The following CRACDL variants were observed in gnomAD, a reference collection of about 807,000 sequenced individuals.
The protein encoded by CRACDL is CRACD like.
CRACDL carries 26 observed loss-of-function variants against 70.6 expected under a neutral mutation model. The observed-to-expected ratio is 0.37, with a 90% CI of 0.27 to 0.51. The LOEUF is 0.51. Among genes scored for constraint, CRACDL ranks in the 20% least tolerant of loss-of-function variants. The pLI, the probability that CRACDL is intolerant of heterozygous loss-of-function variation, is 0.94. For synonymous variants in CRACDL, 618 were observed against 615.2 expected (o/e 1.00, Z -0.07); for missense variants, 1,283 against 1,376.9 (o/e 0.93, Z 1.08).
intron 1 of CRACDL, among the ~76,000 whole-genome samples, chr2:98,863,958 A>G (rs187566342): frequency 1.3e-5 from 2 of 152,214 alleles, no homozygotes; most frequent in Admixed American, 6.5e-5. Flanking sequence ...ATTTTGCAAG[A>G]CCCCAAAAAG....
At chr2:98,918,539 C>CAAAAAA (rs58312556) in intron 1 of CRACDL, among the ~76,000 whole-genome samples, 2 of 66,358 alleles carry the variant, frequency 3.0e-5, no homozygotes, top group Non-Finnish European at 5.7e-5. Context: ...TGTTGTCTAC[C>CAAAAAA]AAAAAAAAAA....
chr2:98,889,341 A>G (rs1279008705), intron 1 of CRACDL, among the ~76,000 whole-genome samples: 1 of 148,620 alleles, frequency 6.7e-6, no homozygotes, highest in Non-Finnish European at 1.5e-5. Flanking sequence ...GAAAGAAAGA[A>G]AGGAAACAGT....
chr2:98,885,684 C>A (rs1196336117), intron 1 of CRACDL, among the ~76,000 whole-genome samples: 1 of 152,146 alleles, frequency 6.6e-6, no homozygotes, highest in African/African-American at 2.4e-5. Context: ...AACCAACCAA[C>A]CATTTTTCAA....
intron 1 of CRACDL, among the ~76,000 whole-genome samples, chr2:98,928,460 A>G (rs937075190): frequency 1.3e-5 from 2 of 152,090 alleles, no homozygotes; most frequent in Non-Finnish European, 2.9e-5. Flanking sequence ...GGTGAGGGAA[A>G]TCTCTAGTCT....
At chr2:98,825,968 C>T (rs1489307082) in intron 6 of CRACDL, among the ~76,000 whole-genome samples, 1 of 152,246 alleles carries the variant, frequency 6.6e-6, no homozygotes, top group East Asian at 1.9e-4. Context: ...ACCAACACAC[C>T]ACAATCATGT....
At chr2:98,844,141 A>C (rs1007928323) in intron 2 of CRACDL, among the ~76,000 whole-genome samples, 1 of 152,178 alleles carries the variant, frequency 6.6e-6, no homozygotes, top group Non-Finnish European at 1.5e-5. Context: ...TAAAGAGTGC[A>C]CTGCAATCTC....
chr2:98,924,760 C>T (rs1708875053), intron 1 of CRACDL, among the ~76,000 whole-genome samples: 1 of 152,230 alleles, frequency 6.6e-6, no homozygotes, highest in Admixed American at 6.5e-5. Flanking sequence ...CCAGCACCTC[C>T]ACCCAGCAGG....
intron 1 of CRACDL, among the ~76,000 whole-genome samples, chr2:98,863,816 T>C (rs766354485): frequency 7.9e-5 from 12 of 152,130 alleles, no homozygotes; most frequent in Non-Finnish European, 1.3e-4. Context: ...GAATTATTAG[T>C]CTCAAAACTA....
intron 2 of CRACDL, among the ~76,000 whole-genome samples, chr2:98,841,027 A>G (rs1706004793): frequency 6.6e-6 from 1 of 152,148 alleles, no homozygotes; most frequent in South Asian, 2.1e-4. Flanking sequence ...CAAGTATTCC[A>G]AAATCTGAAA....
chr2:98,856,894 T>C (rs1706722270), intron 1 of CRACDL, among the ~76,000 whole-genome samples: 1 of 152,112 alleles, frequency 6.6e-6, no homozygotes, highest in Non-Finnish European at 1.5e-5. Context: ...AATGAACCAG[T>C]AAGATCTTCT....
intron 1 of CRACDL, among the ~76,000 whole-genome samples, chr2:98,885,122 A>G (rs893057434): frequency 6.6e-6 from 1 of 152,238 alleles, no homozygotes; most frequent in Non-Finnish European, 1.5e-5. Context: ...CCATGGGACC[A>G]TCAGAAGAAG....
intron 3 of CRACDL, 61 bp downstream of exon 3, chr2:98,838,058 C>T: frequency 7.1e-7 from 1 of 1,405,112 alleles, no homozygotes; most frequent in Non-Finnish European, 9.7e-7. Context: ...AGCAAGTTAC[C>T]AGGATAATGA....
intron 1 of CRACDL, among the ~76,000 whole-genome samples, chr2:98,865,914 C>A (rs1707118789): frequency 6.6e-6 from 1 of 151,520 alleles, no homozygotes; most frequent in Admixed American, 6.6e-5. Context: ...GATTCTCCTG[C>A]CTCAGCCTCC....
chr2:98,845,815 C>T (rs1706232473), intron 2 of CRACDL, among the ~76,000 whole-genome samples: 1 of 151,942 alleles, frequency 6.6e-6, no homozygotes, highest in African/African-American at 2.4e-5. Context: ...AAAACCCTCA[C>T]CTTATATTTG....
At chr2:98,854,010 G>A (rs765575473) in intron 1 of CRACDL, among the ~76,000 whole-genome samples, 6 of 152,074 alleles carry the variant, frequency 3.9e-5, no homozygotes, top group Non-Finnish European at 5.9e-5. Context: ...CCAAGCTGGC[G>A]CAGTGGCTCA....
chr2:98,824,640 G>A (rs982117791), intron 6 of CRACDL, among the ~76,000 whole-genome samples: 1 of 152,166 alleles, frequency 6.6e-6, no homozygotes, highest in Admixed American at 6.5e-5. Flanking sequence ...GAGTCACCCA[G>A]GCTATTGCTC....
At chr2:98,920,839 A>G (rs1286141761) in intron 1 of CRACDL, among the ~76,000 whole-genome samples, 3 of 152,194 alleles carry the variant, frequency 2.0e-5, no homozygotes, top group African/African-American at 7.2e-5. Context: ...ACCATAAGTC[A>G]TCCTGCCTCA....
chr2:98,804,973 C>G (rs1304273343), intron 7 of CRACDL, among the ~76,000 whole-genome samples: 1 of 152,144 alleles, frequency 6.6e-6, no homozygotes, highest in Non-Finnish European at 1.5e-5. Context: ...TGGGTGCCCA[C>G]TAGGTGCCAG....
Position 98,804,663 on chromosome 2 carries a change from T to G in CRACDL, c.2417-7126A>C, listed in dbSNP as rs188307199. On this transcript the variant is annotated intron_variant, in intron 7 of 9. Coordinates refer to ENST00000397899, the MANE Select transcript of CRACDL (RefSeq NM_207362.3). ...AATGTTCCTAAGCCCAAGGAGGCTGTGATGTGCCCGATGGAGATAATGTGT... is the reference window on the plus strand; with the variant it reads ...AATGTTCCTAAGCCCAAGGAGGCTGGGATGTGCCCGATGGAGATAATGTGT... Among the ~76,000 whole-genome samples, 402 of 152,316 alleles carry G rather than the reference T, an allele frequency of 2.6e-3. 2 individuals carry two copies. The highest frequency in any genetic ancestry group is 5.0e-3 in the Non-Finnish European group (341 of 68,034).
Sources: allele counts gnomAD v4.1 joint callset (sites outside exome capture counted in the v4.1 genomes callset), GRCh38; gene constraint gnomAD v4.1.1; transcripts MANE v1.5; gene names NCBI Gene and HGNC (gene_info 2026-07-23, HGNC 2026-07-21).